PRKAR1B: variants seen among roughly 807,000 people sequenced by gnomAD.
The protein encoded by PRKAR1B is protein kinase cAMP-dependent type I regulatory subunit beta, also known as cAMP-dependent protein kinase type I-beta regulatory subunit.
In PRKAR1B, 22 loss-of-function variants were observed where a neutral mutation model predicts 46.5. That is an observed-to-expected ratio of 0.47 (90% CI 0.34 to 0.68). The LOEUF is 0.68. Among genes scored for constraint, PRKAR1B ranks in the 30% least tolerant of loss-of-function variants. The pLI is 0.01. For synonymous variants in PRKAR1B, 259 were observed against 217.7 expected, an observed-to-expected ratio of 1.19 and a Z score of -1.67; for missense variants, 445 against 535.6, an observed-to-expected ratio of 0.83 and a Z score of 1.67.
chr7:559,741 T>A (rs1472249332), intron 9 of PRKAR1B, among the ~76,000 whole-genome samples: 7 of 152,206 alleles, frequency 4.6e-5, no homozygotes, highest in Non-Finnish European at 8.8e-5. Flanking sequence ...AAGTCCCTTA[T>A]GTGAAGTTCT....
intron 1 of PRKAR1B, among the ~76,000 whole-genome samples, chr7:725,939 C>T (rs979171327): frequency 6.6e-6 from 1 of 152,176 alleles, no homozygotes; most frequent in African/African-American, 2.4e-5. Flanking sequence ...TCCATGGTTT[C>T]ATCTCCAACC....
At chr7:691,446 T>A in intron 2 of PRKAR1B, 1 of 1,276,202 alleles carries the variant, frequency 7.8e-7, no homozygotes, top group South Asian at 1.2e-5. Flanking sequence ...GGAGAGGGAG[T>A]GCCTCCACTC....
intron 4 of PRKAR1B, among the ~76,000 whole-genome samples, chr7:670,972 C>G (rs918519095): frequency 3.3e-5 from 5 of 152,252 alleles, no homozygotes; most frequent in African/African-American, 9.6e-5. Flanking sequence ...CATCTTCAGC[C>G]AGAGCTTTCC....
chr7:563,181 C>T (rs945223999), intron 9 of PRKAR1B, among the ~76,000 whole-genome samples: 1 of 152,214 alleles, frequency 6.6e-6, no homozygotes, highest in Admixed American at 6.5e-5. Context: ...GGTGGGCAGG[C>T]ACCTAGACCC....
chr7:701,280 GAAAGAGAAAGAAAGAAAGAAAAAGAA>G (rs1312584906), intron 2 of PRKAR1B, among the ~76,000 whole-genome samples: 3 of 145,874 alleles, frequency 2.1e-5, no homozygotes, highest in African/African-American at 7.8e-5. Flanking sequence ...AAGAAAGAAA[GAAAGAGAAAGAAAGAAAGAAAAAGAA>G]AGAAAGAAAG....
At chr7:573,411 G>A (rs1340439896) in intron 9 of PRKAR1B, among the ~76,000 whole-genome samples, 5 of 151,920 alleles carry the variant, frequency 3.3e-5, no homozygotes, top group Admixed American at 6.6e-5. Context: ...GACACCAGCA[G>A]GCCCCTCCCC....
chr7:600,715 C>T (rs147526889), intron 6 of PRKAR1B, among the ~76,000 whole-genome samples: 333 of 152,012 alleles, frequency 2.2e-3, no homozygotes, highest in African/African-American at 7.5e-3. Flanking sequence ...ATGCCTGGGA[C>T]GGGGAGCAAA....
At chr7:718,862 G>GTTTTT (rs1265021630) in intron 1 of PRKAR1B, among the ~76,000 whole-genome samples, 15 of 95,380 alleles carry the variant, frequency 1.6e-4, no homozygotes, top group East Asian at 3.4e-4. Flanking sequence ...TCTTTTATAG[G>GTTTTT]CTTTTTTTTT....
At position 667,181 on chromosome 7, in the gene PRKAR1B, G is replaced by A. The variant is rs1785981202; in HGVS notation, c.440+10048C>T. ...TAATGATGGTGATGATGACAGTGAT[G>A]ATGGTGATGGTGGGGATGGTGATGA... is the stretch of plus-strand genomic sequence containing the variant. On this transcript the variant is annotated intron_variant, in intron 4 of 10. Coordinates refer to ENST00000537384, the MANE Select transcript of PRKAR1B (RefSeq NM_001164760.2). This position sits in a 1 kb window ranked among gnomAD's most constrained non-coding sequence, Gnocchi z 4.3. 6.6e-6 allele frequency among the ~76,000 whole-genome samples: 1 copy of A among 152,140 alleles called. No individual in the cohort carries two copies. The highest frequency in any genetic ancestry group is 1.5e-5 in the Non-Finnish European group (1 of 68,020).
chr7:639,053 G>A (rs1784263376), intron 4 of PRKAR1B, among the ~76,000 whole-genome samples: 1 of 152,040 alleles, frequency 6.6e-6, no homozygotes, highest in African/African-American at 2.4e-5. Flanking sequence ...ACTCCAGCCT[G>A]GGTGACAGAG....
chr7:594,442 C>T (rs1293209526), intron 7 of PRKAR1B, among the ~76,000 whole-genome samples: 6 of 152,182 alleles, frequency 3.9e-5, no homozygotes, highest in African/African-American at 7.2e-5. Flanking sequence ...ACAAGCCCAC[C>T]GCCACCAGGT....
intron 2 of PRKAR1B, among the ~76,000 whole-genome samples, chr7:690,006 G>A (rs540159119): frequency 6.6e-6 from 1 of 151,602 alleles, no homozygotes; most frequent in South Asian, 2.1e-4. Flanking sequence ...AAAGAGCTGA[G>A]GGAGGGAGGC....
intron 4 of PRKAR1B, among the ~76,000 whole-genome samples, chr7:668,527 C>A (rs547783121): frequency 1.3e-5 from 2 of 152,346 alleles, no homozygotes; most frequent in East Asian, 3.9e-4. Flanking sequence ...GAAACCGACA[C>A]ACACACCCTG....
chr7:706,539 T>C (rs1422038741), intron 2 of PRKAR1B, among the ~76,000 whole-genome samples: 2 of 144,222 alleles, frequency 1.4e-5, no homozygotes, highest in Non-Finnish European at 3.0e-5. Context: ...TTCTCCTACC[T>C]CAGCCTCTCA....
At chr7:700,192 G>T (rs1425138692) in intron 2 of PRKAR1B, among the ~76,000 whole-genome samples, 1 of 152,170 alleles carries the variant, frequency 6.6e-6, no homozygotes, top group Non-Finnish European at 1.5e-5. Context: ...GGACTGAGCT[G>T]CAAGCAAAAC....
chr7:660,246 G>A (rs559326001), intron 4 of PRKAR1B, among the ~76,000 whole-genome samples: 1 of 151,940 alleles, frequency 6.6e-6, no homozygotes, highest in Non-Finnish European at 1.5e-5. Flanking sequence ...TCTCCCCGGG[G>A]ACATGGGCCC....
At chr7:617,176 TAG>T (rs1370496211) in intron 4 of PRKAR1B, among the ~76,000 whole-genome samples, 1 of 151,964 alleles carries the variant, frequency 6.6e-6, no homozygotes, top group Non-Finnish European at 1.5e-5. Context: ...GTGTTTTCAG[TAG>T]AGACAGGGGT....
intron 2 of PRKAR1B, among the ~76,000 whole-genome samples, chr7:698,093 G>A (rs1583435685): frequency 8.0e-6 from 1 of 125,434 alleles, no homozygotes; most frequent in Non-Finnish European, 1.7e-5. Context: ...GAGGGGAGGG[G>A]AGGGAAGGGA....
intron 4 of PRKAR1B, among the ~76,000 whole-genome samples, chr7:670,605 G>A (rs982027820): frequency 6.6e-6 from 1 of 150,380 alleles, no homozygotes; most frequent in Non-Finnish European, 1.5e-5. Flanking sequence ...ACAGCATCCA[G>A]CAGAGGGGCT....
Sources: allele counts gnomAD v4.1 joint callset (sites outside exome capture counted in the v4.1 genomes callset), GRCh38; gene constraint gnomAD v4.1.1; non-coding constraint Gnocchi (gnomAD v3.1); transcripts MANE v1.5; gene names NCBI Gene and HGNC (gene_info 2026-07-23, HGNC 2026-07-21).